NAALADL2: variants seen among roughly 807,000 people sequenced by gnomAD.
NAALADL2 encodes the protein inactive N-acetylated-alpha-linked acidic dipeptidase-like protein 2.
In NAALADL2, 76 loss-of-function variants were observed where a neutral mutation model predicts 87.2. The observed-to-expected ratio is 0.87, with a 90% CI of 0.72 to 1.05. The LOEUF (loss-of-function observed/expected upper bound fraction) is 1.05, where lower values mean the gene tolerates loss of function less well. Among genes scored for constraint, NAALADL2 ranks in the 50% least tolerant of loss-of-function variants. NAALADL2 has a pLI of 0.00. For synonymous variants in NAALADL2, 354 were observed against 331.0 expected, an observed-to-expected ratio of 1.07 and a Z score of -0.75; for missense variants, 1,089 against 945.8, an observed-to-expected ratio of 1.15 and a Z score of -1.99.
At chr3:174,756,121 C>T (rs13324849) in intron 3 of NAALADL2, among the ~76,000 whole-genome samples, 15,717 of 152,204 alleles carry the variant, frequency 0.1, 932 homozygotes, top group African/African-American at 0.14. Context: ...GTCTGTATTA[C>T]GTACAATGAT....
intron 2 of NAALADL2, among the ~76,000 whole-genome samples, chr3:174,573,260 TTTC>T (rs2108540257): frequency 6.6e-6 from 1 of 152,212 alleles, no homozygotes; most frequent in African/African-American, 2.4e-5. Context: ...TTTCTTTCCT[TTTC>T]TTCTTATTTT....
At chr3:175,298,885 A>G (rs1038250763) in intron 4 of NAALADL2, among the ~76,000 whole-genome samples, 2 of 152,154 alleles carry the variant, frequency 1.3e-5, no homozygotes, top group Admixed American at 6.6e-5. Flanking sequence ...CTTTGGTTAA[A>G]TCTTTCTATT....
intron 10 of NAALADL2, among the ~76,000 whole-genome samples, chr3:175,579,924 A>G (rs1306356602): frequency 6.6e-6 from 1 of 152,154 alleles, no homozygotes; most frequent in Non-Finnish European, 1.5e-5. Flanking sequence ...GCTTCATATC[A>G]TAAATTGAAG....
chr3:174,914,765 C>G (rs1050197190), intron 1 of NAALADL2, among the ~76,000 whole-genome samples: 3 of 152,026 alleles, frequency 2.0e-5, no homozygotes, highest in African/African-American at 4.8e-5. Flanking sequence ...ATTGGAAGAT[C>G]AATATCTGCA....
intron 1 of NAALADL2, among the ~76,000 whole-genome samples, chr3:174,916,683 G>C (rs984758429): frequency 2.6e-5 from 4 of 152,156 alleles, no homozygotes; most frequent in African/African-American, 9.6e-5. Flanking sequence ...AGAGGCATAA[G>C]AGTGATATAA....
rs374169970 is a variant in NAALADL2 at position 175,361,480 on chromosome 3, C to A, written c.1090+37155C>A. Among the ~76,000 whole-genome samples the A allele has an allele frequency of 3.5e-4, 51 of 147,822 alleles. 4 individuals carry two copies. Among genetic ancestry groups the A allele is most frequent in the Admixed American group, 4.1e-4 (6 of 14,470 alleles). ...ATGGTTGAACTAGTTTACAGTCCCACCAACAGTGTAAAAGTGTTCCTATTT... is the reference window on the plus strand; with the variant it reads ...ATGGTTGAACTAGTTTACAGTCCCAACAACAGTGTAAAAGTGTTCCTATTT... On this transcript the variant is annotated intron_variant, in intron 5 of 13. Transcript: ENST00000454872.
chr3:174,996,197 T>C (rs1180901045), intron 1 of NAALADL2, among the ~76,000 whole-genome samples: 1 of 152,206 alleles, frequency 6.6e-6, no homozygotes, highest in Non-Finnish European at 1.5e-5. Flanking sequence ...CCATTATTTT[T>C]CTAAAAATGT....
chr3:175,185,632 G>A (rs1464041494), intron 2 of NAALADL2, among the ~76,000 whole-genome samples: 1 of 151,606 alleles, frequency 6.6e-6, no homozygotes, highest in Non-Finnish European at 1.5e-5. Context: ...TAGAATAGTG[G>A]TTATCTTTGA....
At chr3:174,682,383 A>G (rs889635127) in intron 2 of NAALADL2, among the ~76,000 whole-genome samples, 2 of 152,082 alleles carry the variant, frequency 1.3e-5, no homozygotes, top group Non-Finnish European at 2.9e-5. Flanking sequence ...TCTGCTGTTG[A>G]TAGAGCCCTA....
intron 1 of NAALADL2, among the ~76,000 whole-genome samples, chr3:175,006,609 AGTT>A (rs1280795775): frequency 6.6e-6 from 1 of 150,818 alleles, no homozygotes; most frequent in Non-Finnish European, 1.5e-5. Context: ...TATACAACAT[AGTT>A]TCTTGTGATA....
At chr3:175,327,653 G>T (rs1002290995) in intron 5 of NAALADL2, among the ~76,000 whole-genome samples, 1 of 152,128 alleles carries the variant, frequency 6.6e-6, no homozygotes, top group Non-Finnish European at 1.5e-5. Flanking sequence ...GTGTAGAGAA[G>T]TAACAAGACA....
chr3:175,673,978 C>T (rs1734368241), intron 11 of NAALADL2, among the ~76,000 whole-genome samples: 1 of 151,820 alleles, frequency 6.6e-6, no homozygotes, highest in Non-Finnish European at 1.5e-5. Context: ...TTGTAAGATA[C>T]ATTGGTTTTC....
At chr3:174,895,611 C>A (rs1030155416) in intron 1 of NAALADL2, among the ~76,000 whole-genome samples, 1 of 152,068 alleles carries the variant, frequency 6.6e-6, no homozygotes, top group Admixed American at 6.6e-5. Flanking sequence ...TGAAGAATAA[C>A]GAACACCAAT....
At chr3:175,597,005 A>T (rs769714719) in intron 10 of NAALADL2, among the ~76,000 whole-genome samples, 7 of 152,002 alleles carry the variant, frequency 4.6e-5, no homozygotes, top group Admixed American at 6.6e-5. Flanking sequence ...TATATGTAAT[A>T]TATGTAGAAG....
At chr3:174,795,860 C>T (rs997342958) in intron 3 of NAALADL2, among the ~76,000 whole-genome samples, 1 of 152,076 alleles carries the variant, frequency 6.6e-6, no homozygotes, top group African/African-American at 2.4e-5. Context: ...AGATCCTTTG[C>T]CTATTATAAA....
chr3:174,471,082 C>A (rs1208711734), intron 1 of NAALADL2, among the ~76,000 whole-genome samples: 1 of 151,988 alleles, frequency 6.6e-6, no homozygotes, highest in African/African-American at 2.4e-5. Context: ...TCCCAAGTGC[C>A]CTCCAGCAGT....
chr3:174,913,384 TCTGACTACA>T, intron 1 of NAALADL2, among the ~76,000 whole-genome samples: 1 of 152,276 alleles, frequency 6.6e-6, no homozygotes, highest in Non-Finnish European at 1.5e-5. Context: ...GATGGTTCAC[TCTGACTACA>T]CTGTGAAGGA....
At chr3:174,548,405 C>G (rs1190580632) in intron 1 of NAALADL2, among the ~76,000 whole-genome samples, 21 of 151,958 alleles carry the variant, frequency 1.4e-4, no homozygotes, top group Admixed American at 9.8e-4. Context: ...AAAAAATAAA[C>G]CAAGCTGCAG....
chr3:175,743,833 T>C (rs1477181210), intron 12 of NAALADL2, among the ~76,000 whole-genome samples: 1 of 152,200 alleles, frequency 6.6e-6, no homozygotes, highest in African/African-American at 2.4e-5. Context: ...TGTATGACCA[T>C]GAGAGTGTGG....
Sources: gnomAD v4.1 joint callset for allele counts (sites outside exome capture counted in the v4.1 genomes callset) on GRCh38, gnomAD v4.1.1 for gene constraint, MANE v1.5 for transcripts, NCBI Gene and HGNC (gene_info 2026-07-23, HGNC 2026-07-21) for gene names.